F11R: variants seen among roughly 807,000 people sequenced by gnomAD.
F11R encodes junctional adhesion molecule A.
F11R carries 27 observed loss-of-function variants against 39.3 expected under a neutral mutation model. The ratio of observed to expected loss-of-function variants is 0.69; its 90% CI spans 0.51 to 0.95. The LOEUF (loss-of-function observed/expected upper bound fraction) is 0.95. Among genes scored for constraint, F11R ranks in the 40% least tolerant of loss-of-function variants. The pLI, the probability that F11R is intolerant of heterozygous loss-of-function variation, is 0.00. For missense variants in F11R, 335 were observed against 372.7 expected (o/e 0.90, Z 0.83); for synonymous variants, 131 against 144.9 (o/e 0.90, Z 0.69).
intron 1 of F11R, 41 bp downstream of exon 1, chr1:161,020,969 G>A (rs1249177301): frequency 1.3e-6 from 2 of 1,599,162 alleles, no homozygotes; most frequent in Non-Finnish European, 1.7e-6. Flanking sequence ...TCCAACCTCT[G>A]ACCCGACCAA....
intron 3 of F11R, 63 bp downstream of exon 3, chr1:161,000,957 A>G (rs1648444656): frequency 6.5e-7 from 1 of 1,530,876 alleles, no homozygotes; most frequent in African/African-American, 1.4e-5. Context: ...TCTGGATCGT[A>G]GAATCCAGGC....
At chr1:161,012,618 T>TTATTTATG (rs1649231604) in intron 1 of F11R, among the ~76,000 whole-genome samples, 1 of 150,572 alleles carries the variant, frequency 6.6e-6, no homozygotes, top group South Asian at 2.1e-4. Context: ...ATTTATTTAT[T>TTATTTATG]TATTTATTTA....
intron 3 of F11R, 94 bp downstream of exon 3, chr1:161,000,926 C>T (rs907568032): frequency 2.2e-5 from 33 of 1,482,308 alleles, no homozygotes; most frequent in Non-Finnish European, 3.0e-5. Context: ...CCAGGGTGTG[C>T]CCTGGGATAA....
At chr1:161,004,422 T>C (rs1191256033) in intron 1 of F11R, among the ~76,000 whole-genome samples, 1 of 151,932 alleles carries the variant, frequency 6.6e-6, no homozygotes, top group Non-Finnish European at 1.5e-5. Context: ...TAGCCAGGCG[T>C]GGTGGCGCGT....
intron 1 of F11R, among the ~76,000 whole-genome samples, chr1:161,018,496 T>A (rs1308022366): frequency 6.6e-6 from 1 of 152,200 alleles, no homozygotes; most frequent in Admixed American, 6.5e-5. Flanking sequence ...CATTCTTCCA[T>A]CCTCACAAAA....
At chr1:161,007,387 C>T (rs866227416) in intron 1 of F11R, among the ~76,000 whole-genome samples, 3 of 152,032 alleles carry the variant, frequency 2.0e-5, no homozygotes, top group Middle Eastern at 3.4e-3. Context: ...ATTGCTTGAA[C>T]CTGGGAGGCA....
In F11R at chr1:161,009,901, C is replaced by T. The variant is rs549936776; in HGVS notation, c.65-8548G>A. Among the ~76,000 whole-genome samples the T allele has an allele frequency of 5.9e-5, 9 of 151,878 alleles. No individual in the cohort carries two copies. In the South Asian group the frequency reaches 1.7e-3, roughly 28 times the overall value. ...GAGGCTGCAGTGAGCTGATATGGTG[C>T]CACTGTACTTAGTCTGGATGACAGA... On this transcript the variant is annotated intron_variant, in intron 1 of 9. Transcript: ENST00000368026.
intron 1 of F11R, among the ~76,000 whole-genome samples, chr1:161,019,874 C>T (rs1649658464): frequency 6.6e-6 from 1 of 152,144 alleles, no homozygotes; most frequent in African/African-American, 2.4e-5. Context: ...ATATATGCCT[C>T]TGGTCCAATC....
chr1:161,013,540 C>T (rs1000371594), intron 1 of F11R, among the ~76,000 whole-genome samples: 1 of 152,168 alleles, frequency 6.6e-6, no homozygotes, highest in Non-Finnish European at 1.5e-5. Context: ...TTGGCCTCCT[C>T]GTAAAGATCA....
At chr1:161,001,682 T>A (rs1648500793) in intron 1 of F11R, among the ~76,000 whole-genome samples, 1 of 152,176 alleles carries the variant, frequency 6.6e-6, no homozygotes, top group Non-Finnish European at 1.5e-5. Context: ...ATTTCACTGT[T>A]CAGAGAAAGC....
intron 1 of F11R, among the ~76,000 whole-genome samples, chr1:161,011,091 G>A (rs528384409): frequency 6.6e-6 from 1 of 151,896 alleles, no homozygotes; most frequent in African/African-American, 2.4e-5. Flanking sequence ...GGAGTGCAGT[G>A]GCGCGATTGT....
intron 1 of F11R, among the ~76,000 whole-genome samples, chr1:161,019,256 G>C (rs1649615098): frequency 6.6e-6 from 1 of 151,828 alleles, no homozygotes; most frequent in African/African-American, 2.4e-5. Context: ...GCAAGGGGTA[G>C]GGAAAAAAGG....
chr1:161,021,035 G>A lies in F11R; in HGVS notation c.39C>T (p.Cys13=), dbSNP rs2101996469. ...ACAACAGGATCGCCAATATGAAGAG[G>A]CACAACAGTTTCCTCTCGACTTGCG... The part of the protein sequence containing the change: ...TKAQVERKLL[C]LFILAILLCS... Residue 13 remains cysteine, a synonymous_variant, in exon 1 of 10, where the codon TGC becomes TGT. Coordinates refer to ENST00000368026, the MANE Select transcript of F11R (RefSeq NM_016946.6). The A allele has an allele frequency of 6.2e-7, 1 of 1,613,992 alleles. No individual in the cohort carries two copies. Among genetic ancestry groups the A allele is most frequent in the Non-Finnish European group, 8.5e-7 (1 of 1,179,890 alleles).
At chr1:161,015,288 C>G (rs1649394940) in intron 1 of F11R, among the ~76,000 whole-genome samples, 1 of 150,118 alleles carries the variant, frequency 6.7e-6, no homozygotes, top group Non-Finnish European at 1.5e-5. Flanking sequence ...GTCCCAGCTA[C>G]TCGGGAGGCT....
intron 1 of F11R, among the ~76,000 whole-genome samples, chr1:161,014,945 G>A (rs1056277309): frequency 1.9e-4 from 29 of 151,242 alleles, no homozygotes; most frequent in Middle Eastern, 3.2e-3. Context: ...GGGAATGGTG[G>A]CGGGTGCCTG....
intron 1 of F11R, among the ~76,000 whole-genome samples, chr1:161,001,909 C>T (rs140390032): frequency 2.6e-5 from 4 of 152,178 alleles, no homozygotes; most frequent in East Asian, 1.9e-4. Context: ...ATCGGCAAGA[C>T]GTATATTATT....
Position 161,010,084 on chromosome 1 carries a change from A to G in F11R, c.65-8731T>C, listed in dbSNP as rs549260737. The stretch of plus-strand genomic sequence containing the variant: ...AAAAAAAAAAAAAACCTATGAGACA[A>G]GTACCATTGAAGATTGAAGTACTAC... On this transcript the variant is annotated intron_variant, in intron 1 of 9. Coordinates refer to ENST00000368026, the MANE Select transcript of F11R (RefSeq NM_016946.6). Among the ~76,000 whole-genome samples, 6 of 152,056 alleles carry G rather than the reference A, an allele frequency of 3.9e-5. 1 individual carries two copies. The East Asian group carries it at 9.7e-4, about 24-fold the overall frequency.
intron 1 of F11R, among the ~76,000 whole-genome samples, chr1:161,012,047 G>A (rs1301849407): frequency 6.6e-6 from 1 of 152,106 alleles, no homozygotes; most frequent in Admixed American, 6.6e-5. Flanking sequence ...CGTGTCTGCA[G>A]TTTCTTGAGT....
chr1:161,005,768 C>T (rs1455969125), intron 1 of F11R, among the ~76,000 whole-genome samples: 1 of 152,124 alleles, frequency 6.6e-6, no homozygotes, highest in Non-Finnish European at 1.5e-5. Flanking sequence ...ATTCTCCTGC[C>T]TTGGCCTCCC....
Sources: allele counts gnomAD v4.1 joint callset (sites outside exome capture counted in the v4.1 genomes callset), GRCh38; gene constraint gnomAD v4.1.1; transcripts MANE v1.5; gene names NCBI Gene and HGNC (gene_info 2026-07-23, HGNC 2026-07-21).